The following FBN1 variants were observed in gnomAD, a reference collection of about 807,000 sequenced individuals.
FBN1 encodes the protein fibrillin-1.
In FBN1, 29 loss-of-function variants were observed where a neutral mutation model predicts 365.1. The ratio of observed to expected loss-of-function variants is 0.08; its 90% CI spans 0.06 to 0.11. FBN1 has a LOEUF of 0.11. FBN1 is among the 10% of genes least tolerant of loss of function. The probability of loss-of-function intolerance (pLI) is 1.00; values close to 1 mark genes in which losing one functional copy is unlikely to be tolerated. For synonymous variants in FBN1, 1,210 were observed against 1,270.5 expected (o/e 0.95, Z 1.01); for missense variants, 2,476 against 3,703.2 (o/e 0.67, Z 8.60).
At chr15:48,629,551 T>C (rs1256532300) in intron 2 of FBN1, among the ~76,000 whole-genome samples, 4 of 152,216 alleles carry the variant, frequency 2.6e-5, no homozygotes, top group Non-Finnish European at 4.4e-5. Flanking sequence ...CAGAATAATG[T>C]TATTGTGTTT....
intron 25 of FBN1, 151 bp from the exon 26 acceptor site, chr15:48,488,644 G>A (rs930899956): frequency 2.3e-6 from 2 of 860,434 alleles, no homozygotes; most frequent in South Asian, 1.7e-5. Flanking sequence ...TGATCCATGA[G>A]ATATATGACT....
chr15:48,500,992 A>G (rs1279842676), intron 17 of FBN1, among the ~76,000 whole-genome samples: 1 of 152,244 alleles, frequency 6.6e-6, no homozygotes, highest in Non-Finnish European at 1.5e-5. Context: ...GGGATATCCT[A>G]CATTCGGATG....
chr15:48,434,284 A>G (rs2043046735), intron 54 of FBN1, among the ~76,000 whole-genome samples: 1 of 152,212 alleles, frequency 6.6e-6, no homozygotes, highest in South Asian at 2.1e-4. Context: ...AGAAGGAGAA[A>G]GTGAGAGTAA....
chr15:48,523,714 G>T (rs956541101), intron 9 of FBN1, among the ~76,000 whole-genome samples: 6 of 116,578 alleles, frequency 5.1e-5, no homozygotes, highest in East Asian at 2.4e-4. Context: ...GGTGGCTGGG[G>T]GGGGGGGGGA....
chr15:48,613,832 G>T (rs2140738861), intron 2 of FBN1, among the ~76,000 whole-genome samples: 1 of 152,252 alleles, frequency 6.6e-6, no homozygotes. Context: ...GGGGGCTGAG[G>T]CACGAGAATC....
chr15:48,495,382 A>C, intron 21 of FBN1, 87 bp downstream of exon 21: 1 of 1,591,348 alleles, frequency 6.3e-7, no homozygotes, highest in Non-Finnish European at 8.6e-7. Flanking sequence ...TTGTTCATCC[A>C]TACTTAAATT....
chr15:48,609,448 T>C (rs370641159), intron 4 of FBN1, among the ~76,000 whole-genome samples: 1 of 152,214 alleles, frequency 6.6e-6, no homozygotes, highest in Non-Finnish European at 1.5e-5. Context: ...GAAACACTCA[T>C]AGGAGAGTGG....
chr15:48,636,931 C>A (rs765754872), intron 2 of FBN1, among the ~76,000 whole-genome samples: 9 of 152,240 alleles, frequency 5.9e-5, no homozygotes, highest in Non-Finnish European at 8.8e-5. Context: ...CAAACACTCA[C>A]AAATGAAAAT....
intron 50 of FBN1, among the ~76,000 whole-genome samples, chr15:48,439,810 G>A (rs2043099146): frequency 6.6e-6 from 1 of 152,146 alleles, no homozygotes; most frequent in South Asian, 2.1e-4. Context: ...TCTTGAGTCA[G>A]TCTAAGTGGC....
At chr15:48,525,006 C>G (rs1174579572) in intron 9 of FBN1, among the ~76,000 whole-genome samples, 1 of 152,122 alleles carries the variant, frequency 6.6e-6, no homozygotes, top group Non-Finnish European at 1.5e-5. Flanking sequence ...TCAGACTGTG[C>G]ACTTTGGAAC....
chr15:48,500,657 G>A (rs1400545506), intron 17 of FBN1, among the ~76,000 whole-genome samples: 2 of 152,218 alleles, frequency 1.3e-5, no homozygotes, highest in Non-Finnish European at 2.9e-5. Context: ...CATGGAGACA[G>A]TGACATGAGG....
At chr15:48,642,401 G>C (rs929025008) in intron 2 of FBN1, 1 of 151,898 alleles carries the variant, frequency 6.6e-6, no homozygotes, top group Non-Finnish European at 1.5e-5. Context: ...AAATGAATGA[G>C]GTAGATCCAT....
chr15:48,477,474 G>A (rs898811233), intron 32 of FBN1, among the ~76,000 whole-genome samples: 1 of 152,114 alleles, frequency 6.6e-6, no homozygotes, highest in African/African-American at 2.4e-5. Flanking sequence ...GACTTCAAGT[G>A]GTCATAAAGT....
At chr15:48,607,181 A>G (rs1374736813) in intron 4 of FBN1, among the ~76,000 whole-genome samples, 3 of 152,180 alleles carry the variant, frequency 2.0e-5, no homozygotes. Context: ...TTTAATTTTT[A>G]GCATTCTTAA....
intron 2 of FBN1, among the ~76,000 whole-genome samples, chr15:48,618,705 G>A (rs1889707794): frequency 6.6e-6 from 1 of 152,188 alleles, no homozygotes; most frequent in African/African-American, 2.4e-5. Context: ...GGGGTAAGTG[G>A]CAGGCAAGCA....
intron 10 of FBN1, among the ~76,000 whole-genome samples, chr15:48,517,066 A>G (rs554172724): frequency 1.3e-5 from 2 of 152,348 alleles, no homozygotes; most frequent in African/African-American, 4.8e-5. Context: ...CTGGTTGAGC[A>G]ATTGGGTGAA....
intron 5 of FBN1, among the ~76,000 whole-genome samples, chr15:48,597,264 G>C (rs1225179031): frequency 6.6e-6 from 1 of 152,182 alleles, no homozygotes. Flanking sequence ...AGAATCTCCT[G>C]CAAGTTTAGC....
At chr15:48,489,528 C>G (rs1183435018) in intron 25 of FBN1, among the ~76,000 whole-genome samples, 1 of 152,016 alleles carries the variant, frequency 6.6e-6, no homozygotes, top group African/African-American at 2.4e-5. Context: ...TCCAGAACAC[C>G]AAGTCCTTCT....
At chr15:48,506,524 C>T (rs770589833) in intron 15 of FBN1, among the ~76,000 whole-genome samples, 3 of 152,196 alleles carry the variant, frequency 2.0e-5, no homozygotes, top group Non-Finnish European at 2.9e-5. Context: ...AACGTGGAGA[C>T]TACAACCTGA....
Sources: gnomAD v4.1 joint callset for allele counts (sites outside exome capture counted in the v4.1 genomes callset) on GRCh38, gnomAD v4.1.1 for gene constraint, MANE v1.5 for transcripts, NCBI Gene and HGNC (gene_info 2026-07-23, HGNC 2026-07-21) for gene names.